The following FRMD4A variants were observed in gnomAD, a reference collection of about 807,000 sequenced individuals.
The protein encoded by FRMD4A is FERM domain containing 4A.
In FRMD4A, 29 loss-of-function variants were observed where a neutral mutation model predicts 129.1. The observed-to-expected ratio is 0.22, with a 90% CI of 0.17 to 0.31. The LOEUF is 0.31. Among genes scored for constraint, FRMD4A ranks in the 10% least tolerant of loss-of-function variants. The pLI, the probability that FRMD4A is intolerant of heterozygous loss-of-function variation, is 1.00. For synonymous variants in FRMD4A, 634 were observed against 571.6 expected, an observed-to-expected ratio of 1.11 and a Z score of -1.56; for missense variants, 1,272 against 1,375.8, an observed-to-expected ratio of 0.92 and a Z score of 1.19.
chr10:14,207,475 C>A (rs181766428), intron 2 of FRMD4A, among the ~76,000 whole-genome samples: 1 of 151,958 alleles, frequency 6.6e-6, no homozygotes, highest in African/African-American at 2.4e-5. Flanking sequence ...GGCTGGGGAC[C>A]CCCTGGTCTA....
At chr10:13,987,875 T>C (rs35982189) in intron 2 of FRMD4A, among the ~76,000 whole-genome samples, 41,365 of 151,964 alleles carry the variant, frequency 0.27, 6,409 homozygotes, top group East Asian at 0.6. Flanking sequence ...GCTTCCTACC[T>C]ACAATTAACT....
At chr10:13,776,106 AT>A (rs199767482) in intron 6 of FRMD4A, among the ~76,000 whole-genome samples, 5 of 150,756 alleles carry the variant, frequency 3.3e-5, no homozygotes, top group African/African-American at 4.9e-5. Context: ...CTACATCCTT[AT>A]TTTTTTTTTC....
intron 2 of FRMD4A, among the ~76,000 whole-genome samples, chr10:14,219,995 G>A (rs976241310): frequency 5.3e-5 from 8 of 152,296 alleles, no homozygotes; most frequent in Admixed American, 1.3e-4. Flanking sequence ...TGCGAATGGT[G>A]TCTAGAGCCT....
chr10:14,159,084 A>G (rs1490378435), intron 2 of FRMD4A, among the ~76,000 whole-genome samples: 1 of 152,208 alleles, frequency 6.6e-6, no homozygotes, highest in African/African-American at 2.4e-5. Context: ...AGAGGGGAGC[A>G]GCCCGAGGAG....
chr10:13,957,824 C>T (rs1431471460), intron 2 of FRMD4A, among the ~76,000 whole-genome samples: 1 of 152,110 alleles, frequency 6.6e-6, no homozygotes, highest in African/African-American at 2.4e-5. Flanking sequence ...CGCTCACTCA[C>T]TCCTTTTCTT....
At chr10:13,783,432 A>T (rs935616930) in intron 5 of FRMD4A, among the ~76,000 whole-genome samples, 1 of 151,610 alleles carries the variant, frequency 6.6e-6, no homozygotes, top group Non-Finnish European at 1.5e-5. Context: ...TCTGTTGTCC[A>T]GGCTGGAGTG....
chr10:13,906,607 C>T (rs145222458), intron 2 of FRMD4A, among the ~76,000 whole-genome samples: 12 of 152,234 alleles, frequency 7.9e-5, no homozygotes, highest in East Asian at 1.9e-4. Flanking sequence ...TATACAATAC[C>T]GTCTTCTCCA....
At chr10:14,066,511 T>G (rs889190799) in intron 2 of FRMD4A, among the ~76,000 whole-genome samples, 1 of 152,052 alleles carries the variant, frequency 6.6e-6, no homozygotes, top group Non-Finnish European at 1.5e-5. Flanking sequence ...AAGTTGTATG[T>G]GTGTGTGTGT....
At chr10:13,860,980 C>T (rs768356518) in intron 2 of FRMD4A, among the ~76,000 whole-genome samples, 2 of 152,166 alleles carry the variant, frequency 1.3e-5, no homozygotes, top group African/African-American at 4.8e-5. Context: ...CTAAGAATAA[C>T]GCTGACATTT....
chr10:13,873,694 C>T (rs995393270), intron 2 of FRMD4A, among the ~76,000 whole-genome samples: 1 of 151,928 alleles, frequency 6.6e-6, no homozygotes, highest in Non-Finnish European at 1.5e-5. Flanking sequence ...TTACAGGCAC[C>T]AGCCACCATG....
chr10:14,204,439 C>T (rs1006893001), intron 2 of FRMD4A, among the ~76,000 whole-genome samples: 2 of 151,926 alleles, frequency 1.3e-5, no homozygotes, highest in East Asian at 3.9e-4. Context: ...AAAAAAATTA[C>T]TATATCATCC....
intron 3 of FRMD4A, among the ~76,000 whole-genome samples, chr10:13,838,130 C>T (rs559467841): frequency 2.0e-5 from 3 of 152,272 alleles, no homozygotes; most frequent in Non-Finnish European, 2.9e-5. Context: ...GCTCTGTTGC[C>T]CAGGCCTGAG....
intron 2 of FRMD4A, among the ~76,000 whole-genome samples, chr10:13,911,014 A>C (rs1486562121): frequency 6.6e-6 from 1 of 151,832 alleles, no homozygotes; most frequent in Non-Finnish European, 1.5e-5. Context: ...ATTGTATTCT[A>C]GGTATATCCT....
chr10:13,785,998 C>T (rs1378176778), intron 5 of FRMD4A, among the ~76,000 whole-genome samples: 1 of 152,244 alleles, frequency 6.6e-6, no homozygotes, highest in Non-Finnish European at 1.5e-5. Context: ...ATATGTGCCA[C>T]ATTTTCTTAA....
chr10:13,949,724 T>G (rs1400215234), intron 2 of FRMD4A, among the ~76,000 whole-genome samples: 1 of 152,228 alleles, frequency 6.6e-6, no homozygotes, highest in Non-Finnish European at 1.5e-5. Context: ...AATCCTTATT[T>G]TATAGACGAG....
At chr10:14,286,275 T>C (rs1845678369) in intron 2 of FRMD4A, among the ~76,000 whole-genome samples, 1 of 152,200 alleles carries the variant, frequency 6.6e-6, no homozygotes, top group South Asian at 2.1e-4. Flanking sequence ...AAGGATATGG[T>C]AGCTTTTGAT....
chr10:13,972,992 G>C (rs1413029288), intron 2 of FRMD4A, among the ~76,000 whole-genome samples: 1 of 152,192 alleles, frequency 6.6e-6, no homozygotes, highest in South Asian at 2.1e-4. Context: ...CTAATCTACT[G>C]GAGCGTCCTG....
intron 16 of FRMD4A, among the ~76,000 whole-genome samples, chr10:13,672,629 G>A (rs2083603951): frequency 2.0e-5 from 3 of 152,116 alleles, no homozygotes; most frequent in Admixed American, 2.0e-4. Flanking sequence ...TGTGTAACTG[G>A]AGCTGCACGC....
intron 2 of FRMD4A, among the ~76,000 whole-genome samples, chr10:14,001,927 A>C (rs1003618484): frequency 4.6e-5 from 7 of 152,248 alleles, no homozygotes; most frequent in African/African-American, 1.7e-4. Flanking sequence ...ACTTCCCTGC[A>C]TGAATACATT....
Sources: allele counts gnomAD v4.1 joint callset (sites outside exome capture counted in the v4.1 genomes callset), GRCh38; gene constraint gnomAD v4.1.1; transcripts MANE v1.5; gene names NCBI Gene and HGNC (gene_info 2026-07-23, HGNC 2026-07-21).